Variants in KCNJ6 observed in about 807,000 individuals in gnomAD.
KCNJ6 encodes G protein-activated inward rectifier potassium channel 2.
Under a neutral mutation model 34.2 loss-of-function variants are expected in KCNJ6, and 9 were observed. The observed-to-expected ratio is 0.26, with a 90% CI of 0.16 to 0.46. The LOEUF (loss-of-function observed/expected upper bound fraction) is 0.46. Ranked by LOEUF, KCNJ6 falls within the 20% of genes least tolerant of loss-of-function variation. The pLI is 1.00. For synonymous variants in KCNJ6, 196 were observed against 207.1 expected (o/e 0.95, Z 0.46); for missense variants, 236 against 531.3 (o/e 0.44, Z 5.46).
intron 3 of KCNJ6, among the ~76,000 whole-genome samples, chr21:37,646,681 T>TTA (rs1486858630): frequency 4.1e-4 from 16 of 38,852 alleles, no homozygotes; most frequent in African/African-American, 2.2e-3. Flanking sequence ...TATTTTTATT[T>TTA]TTTTTTTTGA....
At chr21:37,879,954 C>A (rs1158920929) in intron 1 of KCNJ6, among the ~76,000 whole-genome samples, 1 of 152,018 alleles carries the variant, frequency 6.6e-6, no homozygotes, top group Non-Finnish European at 1.5e-5. Context: ...CACCTAATTT[C>A]TTATTTCAAA....
chr21:37,881,917 C>G (rs577284763), intron 1 of KCNJ6, among the ~76,000 whole-genome samples: 1 of 152,116 alleles, frequency 6.6e-6, no homozygotes, highest in Non-Finnish European at 1.5e-5. Context: ...TAGGGCAGTG[C>G]TAAGACCAAC....
At chr21:37,719,373 T>A (rs1164206565) in intron 2 of KCNJ6, 2 of 152,216 alleles carry the variant, frequency 1.3e-5, no homozygotes, top group Non-Finnish European at 2.9e-5. Context: ...GGGATCTGAA[T>A]CGCATCTCCA....
intron 1 of KCNJ6, among the ~76,000 whole-genome samples, chr21:37,886,936 T>TG (rs1568885352): frequency 6.6e-6 from 1 of 151,786 alleles, no homozygotes; most frequent in African/African-American, 2.4e-5. Context: ...AACCTTGTTT[T>TG]TTTTTTTTTT....
chr21:37,735,534 A>T (rs1332416943), intron 2 of KCNJ6, among the ~76,000 whole-genome samples: 1 of 152,166 alleles, frequency 6.6e-6, no homozygotes, highest in African/African-American at 2.4e-5. Context: ...TTGGTGAATG[A>T]TGACTTGGCA....
At chr21:37,705,330 A>G (rs2054713977) in intron 3 of KCNJ6, among the ~76,000 whole-genome samples, 1 of 152,198 alleles carries the variant, frequency 6.6e-6, no homozygotes, top group Admixed American at 6.5e-5. Flanking sequence ...ACCTTGGCCA[A>G]GTTACTGTCT....
chr21:37,859,242 A>T (rs1249551095), intron 1 of KCNJ6, among the ~76,000 whole-genome samples: 1 of 151,960 alleles, frequency 6.6e-6, no homozygotes, highest in Admixed American at 6.6e-5. Flanking sequence ...AGCTATTTAT[A>T]AAAGAGAATA....
chr21:37,912,037 A>C (rs1056523101), intron 1 of KCNJ6, among the ~76,000 whole-genome samples: 3 of 152,216 alleles, frequency 2.0e-5, no homozygotes, highest in Non-Finnish European at 2.9e-5. Flanking sequence ...AGTTCATGTA[A>C]GTCCTATGTA....
At chr21:37,713,268 CT>C (rs1278682842) in intron 3 of KCNJ6, among the ~76,000 whole-genome samples, 1 of 152,012 alleles carries the variant, frequency 6.6e-6, no homozygotes, top group Non-Finnish European at 1.5e-5. Context: ...AAGCTGAAGA[CT>C]TAAAAGCGTA....
intron 2 of KCNJ6, among the ~76,000 whole-genome samples, chr21:37,803,203 C>T (rs1469626208): frequency 6.6e-6 from 1 of 152,140 alleles, no homozygotes; most frequent in Non-Finnish European, 1.5e-5. Context: ...GCAAAACACC[C>T]ACCCATCATC....
chr21:37,897,557 C>T (rs1026225861), intron 1 of KCNJ6, among the ~76,000 whole-genome samples: 18 of 152,200 alleles, frequency 1.2e-4, no homozygotes, highest in South Asian at 6.2e-4. Flanking sequence ...TGGTGCTCTC[C>T]GTGCCCTGTG....
At chr21:37,676,513 T>G (rs1406614991) in intron 3 of KCNJ6, among the ~76,000 whole-genome samples, 1 of 152,154 alleles carries the variant, frequency 6.6e-6, no homozygotes, top group Non-Finnish European at 1.5e-5. Context: ...GGCCTGTGGG[T>G]GGGCGTATGA....
At chr21:37,630,389 T>G (rs1387021742) in intron 3 of KCNJ6, among the ~76,000 whole-genome samples, 1 of 152,182 alleles carries the variant, frequency 6.6e-6, no homozygotes, top group African/African-American at 2.4e-5. Flanking sequence ...TCCTTAGCAT[T>G]TGCACAGTGC....
intron 1 of KCNJ6, among the ~76,000 whole-genome samples, chr21:37,913,521 T>C (rs1017724769): frequency 2.0e-5 from 3 of 152,158 alleles, no homozygotes; most frequent in Non-Finnish European, 4.4e-5. Flanking sequence ...CTAGGACCCT[T>C]AGAAAGAATT....
At chr21:37,673,238 C>T (rs762783653) in intron 3 of KCNJ6, among the ~76,000 whole-genome samples, 7 of 152,230 alleles carry the variant, frequency 4.6e-5, no homozygotes, top group Non-Finnish European at 8.8e-5. Context: ...GGGCTATGGC[C>T]GATAGGCCCA....
intron 2 of KCNJ6, among the ~76,000 whole-genome samples, chr21:37,737,311 A>C (rs952833430): frequency 5.3e-5 from 8 of 151,986 alleles, no homozygotes; most frequent in African/African-American, 1.9e-4. Flanking sequence ...TCCTACTTTA[A>C]CCTGAACTAC....
chr21:37,720,311 T>C (rs918399286), intron 2 of KCNJ6, among the ~76,000 whole-genome samples: 1 of 152,182 alleles, frequency 6.6e-6, no homozygotes, highest in African/African-American at 2.4e-5. Context: ...CCCATACAGC[T>C]GACAATTTAG....
At chr21:37,725,446 A>G (rs1243387455) in intron 2 of KCNJ6, among the ~76,000 whole-genome samples, 4 of 152,228 alleles carry the variant, frequency 2.6e-5, no homozygotes, top group Non-Finnish European at 5.9e-5. Flanking sequence ...GGCAAAGGAA[A>G]GCAATACAAA....
chr21:37,686,130 TGCAA>T (rs1180197321), intron 3 of KCNJ6, among the ~76,000 whole-genome samples: 1 of 152,186 alleles, frequency 6.6e-6, no homozygotes, highest in Non-Finnish European at 1.5e-5. Context: ...TCTTATCCTG[TGCAA>T]GCATTACTTT....
Sources: gnomAD v4.1 joint callset for allele counts (sites outside exome capture counted in the v4.1 genomes callset) on GRCh38, gnomAD v4.1.1 for gene constraint, MANE v1.5 for transcripts, NCBI Gene and HGNC (gene_info 2026-07-23, HGNC 2026-07-21) for gene names.